The following NR5A2 variants were observed in gnomAD, a reference collection of about 807,000 sequenced individuals.
NR5A2 encodes the protein CYP7A promoter-binding factor.
A neutral mutation model predicts 62.7 loss-of-function variants in NR5A2; 26 were observed. That is an observed-to-expected ratio of 0.41 (90% CI 0.30 to 0.58). The LOEUF is 0.58. Among genes scored for constraint, NR5A2 ranks in the 20% least tolerant of loss-of-function variants. The probability of loss-of-function intolerance (pLI) is 0.22; values close to 1 mark genes in which losing one functional copy is unlikely to be tolerated. For missense variants in NR5A2, 541 were observed against 669.1 expected, an observed-to-expected ratio of 0.81 and a Z score of 2.11; for synonymous variants, 246 against 241.7, an observed-to-expected ratio of 1.02 and a Z score of -0.16.
At chr1:200,146,689 T>C (rs1397797135) in intron 7 of NR5A2, among the ~76,000 whole-genome samples, 2 of 152,208 alleles carry the variant, frequency 1.3e-5, no homozygotes, top group African/African-American at 4.8e-5. Flanking sequence ...AATCATGGTT[T>C]TCAGACCTAT....
At chr1:200,070,688 A>AG (rs1663700490) in intron 5 of NR5A2, among the ~76,000 whole-genome samples, 1 of 151,576 alleles carries the variant, frequency 6.6e-6, no homozygotes, top group African/African-American at 2.4e-5. Flanking sequence ...TCAAAAAAAA[A>AG]AAAAAATCAC....
At position 200,052,271 on chromosome 1, in the gene NR5A2, G is replaced by C. The variant is rs1446711407; in HGVS notation, c.1110+3453G>C. Among the ~76,000 whole-genome samples the C allele has an allele frequency of 3.3e-5, 5 of 152,174 alleles. No individual in the cohort carries two copies. In the East Asian group the frequency reaches 5.8e-4, roughly 18 times the overall value. On this transcript the variant is annotated intron_variant, in intron 5 of 7. Coordinates refer to ENST00000367362, the MANE Select transcript of NR5A2 (RefSeq NM_205860.3). Reference sequence around the variant, plus strand: ...GACATCTTTGAAACCCACAGCCTGAGTCCCCACCCTATCTTTCTGTAAAGG... The same window carrying C: ...GACATCTTTGAAACCCACAGCCTGACTCCCCACCCTATCTTTCTGTAAAGG...
chr1:200,083,022 ACTTAT>A (rs765785799), intron 5 of NR5A2, among the ~76,000 whole-genome samples: 39 of 152,212 alleles, frequency 2.6e-4, no homozygotes, highest in African/African-American at 3.9e-4. Context: ...AAATCATAAC[ACTTAT>A]CTTTATTTAA....
intron 5 of NR5A2, among the ~76,000 whole-genome samples, chr1:200,081,601 C>T (rs143379705): frequency 3.9e-4 from 59 of 152,250 alleles, no homozygotes; most frequent in Admixed American, 3.1e-3. Context: ...TGCAGTTGGA[C>T]AAAATGCTAA....
At chr1:200,166,906 T>C (rs1482425461) in intron 7 of NR5A2, among the ~76,000 whole-genome samples, 1 of 152,258 alleles carries the variant, frequency 6.6e-6, no homozygotes, top group Non-Finnish European at 1.5e-5. Context: ...TTAATTGGTG[T>C]TTGGTAAATG....
intron 5 of NR5A2, among the ~76,000 whole-genome samples, chr1:200,100,526 A>G (rs1303142147): frequency 2.0e-5 from 3 of 152,176 alleles, no homozygotes; most frequent in African/African-American, 7.2e-5. Flanking sequence ...CATCTGCTAT[A>G]ATGGAGCCTA....
At position 200,079,754 on chromosome 1, in the gene NR5A2, G is replaced by A. The variant is rs572918344; in HGVS notation, c.1110+30936G>A. ...GGGACCGGTGCAAGCCCACTGGCAG[G>A]CTGTTGGATTTTTTTGCTGCTATTT... On this transcript the variant is annotated intron_variant, in intron 5 of 7. Coordinates refer to ENST00000367362, the MANE Select transcript of NR5A2 (RefSeq NM_205860.3). Among the ~76,000 whole-genome samples, 6 of 152,304 alleles carry A rather than the reference G, an allele frequency of 3.9e-5. No homozygotes were observed. The East Asian group carries it at 1.2e-3, about 29-fold the overall frequency.
chr1:200,112,529 C>CACAT (rs1558146461), intron 6 of NR5A2, among the ~76,000 whole-genome samples: 1 of 152,186 alleles, frequency 6.6e-6, no homozygotes, highest in Non-Finnish European at 1.5e-5. Flanking sequence ...AAATGAAGGG[C>CACAT]TGTCTCCACA....
intron 1 of NR5A2, chr1:200,038,822 G>A: frequency 1.6e-6 from 2 of 1,224,452 alleles, no homozygotes; most frequent in South Asian, 2.7e-5. Flanking sequence ...AGGGTGGGGT[G>A]GGAGGGGGTG....
Position 200,048,686 on chromosome 1 carries a change from G to A in NR5A2, c.978G>A (p.Leu326=). Residue 326 remains leucine (L), a synonymous_variant, in exon 5 of 8, where the codon TTG becomes TTA. Coordinates refer to ENST00000367362, the MANE Select transcript of NR5A2 (RefSeq NM_205860.3). This position sits in a 1 kb window ranked among gnomAD's most constrained non-coding sequence, Gnocchi z 4.8. ...PQVQAKIMAY[L]QQEQANRSKH... The stretch of plus-strand genomic sequence containing the variant: ...TCCAGGCTAAAATCATGGCCTATTT[G>A]CAGCAAGAGCAGGCTAACCGAAGCA... 1.2e-6 allele frequency: 2 copies of A among 1,614,210 alleles called. No individual in the cohort carries two copies. The highest frequency in any genetic ancestry group is 1.6e-4 in the Middle Eastern group (1 of 6,062).
rs1654461214 is a variant in NR5A2, at chr1:200,177,256, C to T, written c.*3046C>T. 1 of 152,596 alleles carries T rather than the reference C, an allele frequency of 6.6e-6. No homozygotes were observed. Among genetic ancestry groups the T allele is most frequent in the African/African-American group, 2.4e-5 (1 of 41,432 alleles). The allele number at this position is 152,596 out of a possible 1,614,324, so 9.5% of individuals were successfully genotyped here. On this transcript the variant is annotated 3_prime_UTR_variant, in exon 8 of 8. Transcript: ENST00000367362. ...ATCTGCAGCTGCCTTGGACTTGAAT[C>T]CATGCAATGTTTAGAGTGTGAAGTC... is the stretch of plus-strand genomic sequence containing the variant.
intron 5 of NR5A2, among the ~76,000 whole-genome samples, chr1:200,059,334 A>G (rs1350278740): frequency 1.3e-5 from 2 of 152,140 alleles, no homozygotes; most frequent in African/African-American, 4.8e-5. Flanking sequence ...GGGTAGGCTT[A>G]CCTTATCTCC....
chr1:200,156,157 C>T (rs1653373719), intron 7 of NR5A2, among the ~76,000 whole-genome samples: 1 of 152,158 alleles, frequency 6.6e-6, no homozygotes, highest in African/African-American at 2.4e-5. Context: ...ATCCTTAACA[C>T]TTCAGTTTTG....
chr1:200,078,092 T>G (rs1664124881), intron 5 of NR5A2, among the ~76,000 whole-genome samples: 1 of 152,234 alleles, frequency 6.6e-6, no homozygotes, highest in South Asian at 2.1e-4. Flanking sequence ...CATTTCAAAT[T>G]GCTCCAAACG....
At chr1:200,037,654 A>T (rs2102141117) in intron 1 of NR5A2, among the ~76,000 whole-genome samples, 1 of 152,350 alleles carries the variant, frequency 6.6e-6, no homozygotes, top group African/African-American at 2.4e-5. Context: ...ACTATCACAA[A>T]AATTGGAGCT....
chr1:200,057,827 C>G (rs1229735517), intron 5 of NR5A2: 1 of 172,840 alleles, frequency 5.8e-6, no homozygotes, highest in African/African-American at 2.4e-5. Flanking sequence ...GATGGAGTTA[C>G]ACTCTTGTTG....
rs758202551 is a variant in NR5A2 at position 200,039,702 on chromosome 1, G to A, written c.109G>A (p.Gly37Ser). 1 of 1,611,158 alleles carries A rather than the reference G, an allele frequency of 6.2e-7. No homozygotes were observed. Among genetic ancestry groups the A allele is most frequent in the Non-Finnish European group, 8.5e-7 (1 of 1,178,748 alleles). Reference protein sequence around the residue: ...DRHGSPIPARGRLVMLPKVET... With the variant: ...DRHGSPIPARSRLVMLPKVET... ...ACACGGATCCCCCATCCCCGCCCGC[G>A]GTCGCCTTGTCATGCTGCCCAAAGT... The change falls in exon 2 of 8, where the codon GGT becomes AGT. Residue 37 changes from glycine to serine, a missense_variant. This residue lies in a region of NR5A2 where 108 missense variants were observed against 103.3 expected (regional missense o/e 1.05). Coordinates refer to ENST00000367362, the MANE Select transcript of NR5A2 (RefSeq NM_205860.3). The surrounding 1 kb of genome is among the most constrained non-coding windows in gnomAD (Gnocchi z 5.1).
rs1414829089 is a variant in NR5A2 at position 200,039,303 on chromosome 1, G to A, written c.65-355G>A. On this transcript the variant is annotated intron_variant, in intron 1 of 7. Coordinates refer to ENST00000367362, the MANE Select transcript of NR5A2 (RefSeq NM_205860.3). The surrounding 1 kb of genome is among the most constrained non-coding windows in gnomAD (Gnocchi z 5.1). Reference sequence around the variant, plus strand: ...CGGGAGCAGTGGCAGCGGCACAGCCGGGGCGGCAATAGCAGCCCCGCGGTC... The same window carrying A: ...CGGGAGCAGTGGCAGCGGCACAGCCAGGGCGGCAATAGCAGCCCCGCGGTC... Among the ~76,000 whole-genome samples, 4 of 152,112 alleles carry A rather than the reference G, an allele frequency of 2.6e-5. No homozygotes were observed. Among genetic ancestry groups the A allele is most frequent in the South Asian group, 2.1e-4 (1 of 4,836 alleles).
intron 7 of NR5A2, among the ~76,000 whole-genome samples, chr1:200,161,646 CAAATT>C (rs776156242): frequency 1.4e-4 from 21 of 152,120 alleles, no homozygotes; most frequent in Non-Finnish European, 2.2e-4. Context: ...AATTTTGAAT[CAAATT>C]ACACTTTTTC....
Sources: allele counts gnomAD v4.1 joint callset (sites outside exome capture counted in the v4.1 genomes callset), GRCh38; gene constraint gnomAD v4.1.1; regional missense constraint gnomAD v4.1.1; non-coding constraint Gnocchi (gnomAD v3.1); transcripts MANE v1.5; gene names NCBI Gene and HGNC (gene_info 2026-07-23, HGNC 2026-07-21).